The following COL3A1 variants were observed in gnomAD, a reference collection of about 807,000 sequenced individuals.
The protein encoded by COL3A1 is collagen type III alpha 1 chain, also known as collagen alpha-1(III) chain.
A neutral mutation model predicts 200.9 loss-of-function variants in COL3A1; 46 were observed. The ratio of observed to expected loss-of-function variants is 0.23; its 90% CI spans 0.18 to 0.29. COL3A1 has a LOEUF of 0.29. Among genes scored for constraint, COL3A1 ranks in the 10% least tolerant of loss-of-function variants. The probability of loss-of-function intolerance (pLI) is 1.00; values close to 1 mark genes in which losing one functional copy is unlikely to be tolerated. For missense variants in COL3A1, 1,367 were observed against 1,917.6 expected, an observed-to-expected ratio of 0.71 and a Z score of 5.36; for synonymous variants, 650 against 628.0, an observed-to-expected ratio of 1.03 and a Z score of -0.52.
intron 4 of COL3A1, among the ~76,000 whole-genome samples, chr2:188,986,259 T>C (rs901873317): frequency 3.3e-5 from 5 of 152,000 alleles, no homozygotes; most frequent in African/African-American, 1.2e-4. Context: ...GAGCACACCT[T>C]GCTTCTCCTG....
intron 1 of COL3A1, among the ~76,000 whole-genome samples, chr2:188,982,269 C>T (rs1257761032): frequency 6.6e-6 from 1 of 151,674 alleles, no homozygotes; most frequent in Non-Finnish European, 1.5e-5. Context: ...TAAATAACAA[C>T]GTTAATACTT....
chr2:189,003,638 G>A (rs1688520585), intron 37 of COL3A1, 96 bp from the exon 38 acceptor site: 7 of 1,429,188 alleles, frequency 4.9e-6, no homozygotes, highest in Non-Finnish European at 6.9e-6. Context: ...ATGACTTTCA[G>A]GTACAATGCA....
chr2:188,988,789 C>T, intron 7 of COL3A1, 146 bp downstream of exon 7: 1 of 623,106 alleles, frequency 1.6e-6, no homozygotes, highest in South Asian at 2.1e-5. Flanking sequence ...TTTATTGAGT[C>T]TTTTGGACTC....
chr2:188,990,945 C>G (rs1019797024), intron 10 of COL3A1, 59 bp from the exon 11 acceptor site: 1 of 1,528,630 alleles, frequency 6.5e-7, no homozygotes, highest in African/African-American at 1.4e-5. Context: ...TAAACTTTAT[C>G]AATCATTCTA....
intron 40 of COL3A1, among the ~76,000 whole-genome samples, 161 bp from the exon 41 acceptor site, chr2:189,005,189 C>G (rs1200520004): frequency 6.6e-6 from 1 of 152,188 alleles, no homozygotes; most frequent in Admixed American, 6.5e-5. Flanking sequence ...AAGAAGCTTG[C>G]TCCCCCATAT....
intron 50 of COL3A1, 65 bp from the exon 51 acceptor site, chr2:189,011,563 G>T: frequency 6.3e-7 from 1 of 1,599,660 alleles, no homozygotes; most frequent in South Asian, 1.1e-5. Context: ...TCTTTAACTT[G>T]TTAAGTCAGA....
At chr2:189,008,486 C>A in intron 47 of COL3A1, 1 of 404,954 alleles carries the variant, frequency 2.5e-6, no homozygotes, top group Non-Finnish European at 4.6e-6. Context: ...CATTTTACTT[C>A]TCAAACAGCT....
chr2:189,007,099 A>ATATG, intron 44 of COL3A1, 109 bp downstream of exon 44: 1 of 37,234 alleles, frequency 2.7e-5, no homozygotes, highest in East Asian at 5.1e-4. Flanking sequence ...AAGAATGAAT[A>ATATG]TATATATATA....
chr2:189,004,436 G>A (rs1411288453), intron 40 of COL3A1, 72 bp downstream of exon 40: 2 of 1,410,978 alleles, frequency 1.4e-6, no homozygotes, highest in East Asian at 4.9e-5. Flanking sequence ...ACCATATCAA[G>A]GATGAAAAGT....
Position 189,012,525 on chromosome 2 carries a change from A to C in COL3A1, c.*751A>C, listed in dbSNP as rs1688750356. 1 of 152,484 alleles carries C rather than the reference A, an allele frequency of 6.6e-6. No homozygotes were observed. Among genetic ancestry groups the C allele is most frequent in the Non-Finnish European group, 1.5e-5 (1 of 68,012 alleles). 9.4% of individuals were successfully genotyped at this position (152,484 alleles called of 1,614,324 possible). ...TGACTTGCATTCAGAACATAAATGCACAAAATCTGTACATGTCTCCCATCA... is the reference window on the plus strand; with the variant it reads ...TGACTTGCATTCAGAACATAAATGCCCAAAATCTGTACATGTCTCCCATCA... On this transcript the variant is annotated 3_prime_UTR_variant, in exon 51 of 51. Coordinates refer to ENST00000304636, the MANE Select transcript of COL3A1 (RefSeq NM_000090.4).
In COL3A1 at chr2:189,005,280, A is replaced by C. The variant is rs985383915; in HGVS notation, c.2932-70A>C. 5 of 1,324,088 alleles carry C rather than the reference A, an allele frequency of 3.8e-6. No homozygotes were observed. In the African/African-American group the frequency reaches 5.8e-5, roughly 15 times the overall value. The allele number at this position is 1,324,088 out of a possible 1,614,324, so 82.0% of individuals were successfully genotyped here. A position where few individuals can be genotyped will look rare whatever the true frequency, so the allele number is the denominator to read the frequency against. On this transcript the variant is annotated intron_variant, in intron 40 of 50. Transcript: ENST00000304636. ...ATAAGTTTTTTACCTGAAAATAAAG[A>C]TATCTGATAACACCATTTTAATTGA...
intron 8 of COL3A1, 70 bp downstream of exon 8, chr2:188,989,519 T>C: frequency 2.7e-6 from 3 of 1,094,004 alleles, no homozygotes; most frequent in Non-Finnish European, 4.1e-6. Flanking sequence ...GTATATGCTT[T>C]ATGTCAGAAT....
chr2:188,994,000 A>C (rs775002175), intron 16 of COL3A1, 38 bp from the exon 17 acceptor site: 2 of 1,588,760 alleles, frequency 1.3e-6, no homozygotes, highest in Non-Finnish European at 8.6e-7. Context: ...AACTATTTGC[A>C]TTACTATTAA....
At chr2:188,987,258 C>T in intron 5 of COL3A1, 119 bp downstream of exon 5, 1 of 822,154 alleles carries the variant, frequency 1.2e-6, no homozygotes, top group Non-Finnish European at 2.1e-6. Flanking sequence ...AATAGCTTAC[C>T]CCTACTAAGG....
chr2:188,975,393 A>G (rs1000797754), intron 1 of COL3A1, among the ~76,000 whole-genome samples: 2 of 152,150 alleles, frequency 1.3e-5, no homozygotes, highest in African/African-American at 2.4e-5. Context: ...TTCATATTCT[A>G]ATTTCCCCTA....
intron 44 of COL3A1, 111 bp downstream of exon 44, chr2:189,007,101 A>G: frequency 1.8e-5 from 1 of 56,208 alleles, no homozygotes; most frequent in South Asian, 6.4e-4. Context: ...GAATGAATAT[A>G]TATATATATA....
chr2:188,990,892 T>C (rs1688173653), intron 10 of COL3A1, 112 bp from the exon 11 acceptor site: 2 of 1,031,330 alleles, frequency 1.9e-6, no homozygotes, highest in Non-Finnish European at 3.0e-6. Context: ...TTTAAGCTAA[T>C]TTTGCAAGTA....
Position 188,988,218 on chromosome 2 carries a change from C to T in COL3A1, c.582+84C>T, listed in dbSNP as rs968944222. On this transcript the variant is annotated intron_variant, in intron 6 of 50. Transcript: ENST00000304636. ...ATATTCTGCTATAATTCAGCCATTC[C>T]AGCATGCATAATCCCAGTTAACTAG... is the stretch of plus-strand genomic sequence containing the variant. The T allele has an allele frequency of 3.3e-6, 4 of 1,198,654 alleles. No homozygotes were observed. In the African/African-American group the frequency reaches 6.0e-5, roughly 18 times the overall value. 74.3% of individuals were successfully genotyped at this position (1,198,654 alleles called of 1,614,324 possible).
At position 189,004,121 on chromosome 2, in the gene COL3A1, C is replaced by T. The variant is rs753621331; in HGVS notation, c.2801C>T (p.Ser934Leu). 7 of 1,613,928 alleles carry T rather than the reference C, an allele frequency of 4.3e-6. No homozygotes were observed. Among genetic ancestry groups the T allele is most frequent in the Non-Finnish European group, 5.1e-6 (6 of 1,180,012 alleles). ...GCTGGCCAACCAGGAGAGAAGGGATCGCCTGGTGCCCAGGGCCCACCAGTA... is the reference window on the plus strand; with the variant it reads ...GCTGGCCAACCAGGAGAGAAGGGATTGCCTGGTGCCCAGGGCCCACCAGTA... ...GDAGQPGEKGSPGAQGPPGAP... is the reference protein window; with the variant it reads ...GDAGQPGEKGLPGAQGPPGAP... The change falls in exon 39 of 51, where the codon TCG becomes TTG. Residue 934 changes from serine to leucine, a missense_variant. By Grantham distance (145) the Ser-to-Leu change is moderately radical (BLOSUM62 -2). Transcript: ENST00000304636.
Sources: gnomAD v4.1 joint callset for allele counts (sites outside exome capture counted in the v4.1 genomes callset) on GRCh38, gnomAD v4.1.1 for gene constraint, MANE v1.5 for transcripts, NCBI Gene and HGNC (gene_info 2026-07-23, HGNC 2026-07-21) for gene names.